The following MROH2B variants were observed in gnomAD, a reference collection of about 807,000 sequenced individuals.
The protein encoded by MROH2B is maestro heat like repeat family member 2B.
MROH2B carries 177 observed loss-of-function variants against 208.6 expected under a neutral mutation model. That is an observed-to-expected ratio of 0.85 (90% CI 0.75 to 0.96). The LOEUF is 0.96. MROH2B is among the 40% of genes least tolerant of loss of function. MROH2B has a pLI of 0.00. For missense variants in MROH2B, 2,002 were observed against 1,878.7 expected, an observed-to-expected ratio of 1.07 and a Z score of -1.21; for synonymous variants, 728 against 659.0, an observed-to-expected ratio of 1.10 and a Z score of -1.60.
Position 41,067,202 on chromosome 5 carries a change from T to C in MROH2B, c.107A>G (p.His36Arg). Residue 36 changes from histidine (H) to arginine (R), a missense_variant, in exon 3 of 42, where the codon CAT becomes CGT. Coordinates refer to ENST00000399564, the MANE Select transcript of MROH2B (RefSeq NM_173489.5). ...AGTATTCTGAATAACAGAAGTGAGA[T>C]GACTGTAAATGTCTTCCTGTGAATA... ...DIVNKEDIYS[H>R]LTSVIQNTDI... The C allele has an allele frequency of 6.5e-7, 1 of 1,548,602 alleles. No homozygotes were observed. Among genetic ancestry groups the C allele is most frequent in the Non-Finnish European group, 8.7e-7 (1 of 1,143,228 alleles).
chr5:41,068,876 C>T (rs1429772299), intron 2 of MROH2B, among the ~76,000 whole-genome samples: 1 of 152,148 alleles, frequency 6.6e-6, no homozygotes, highest in African/African-American at 2.4e-5. Flanking sequence ...CAATCAGAAT[C>T]CCTGGTAGTA....
rs200489389 is a variant in MROH2B at position 40,999,697 on chromosome 5, C to T, written c.4565G>A (p.Ser1522Asn). The change falls in exon 40 of 42, where the codon AGT (serine) becomes AAT (asparagine). Residue 1522 changes from serine (S) to asparagine (N), a missense_variant. By Grantham distance (46) the Ser-to-Asn change is conservative. Transcript: ENST00000399564. ...FFTSTWEVIR[S>N]AAVKLTDAVV... ...CTCACCTGTGAGTTTGACAGCTGCA[C>T]TCCTGATCACCTCCCAGGTGCTGGT... 39 of 1,613,158 alleles carry T rather than the reference C, an allele frequency of 2.4e-5. No homozygotes were observed. The Admixed American group carries it at 4.5e-4, about 19-fold the overall frequency.
chr5:41,046,923 C>A (rs1743139363), intron 17 of MROH2B, among the ~76,000 whole-genome samples: 1 of 152,040 alleles, frequency 6.6e-6, no homozygotes, highest in South Asian at 2.1e-4. Flanking sequence ...TGATGGAAAC[C>A]TTTAAAACAT....
At chr5:41,006,624 G>A (rs921300355) in intron 34 of MROH2B, among the ~76,000 whole-genome samples, 1 of 152,112 alleles carries the variant, frequency 6.6e-6, no homozygotes, top group Admixed American at 6.5e-5. Context: ...AGAAAATGTG[G>A]TATATATATA....
intron 19 of MROH2B, among the ~76,000 whole-genome samples, chr5:41,041,213 AG>A (rs1277379107): frequency 2.0e-5 from 3 of 152,364 alleles, no homozygotes; most frequent in African/African-American, 7.2e-5. Flanking sequence ...TGTGTGAGAA[AG>A]AACCCTAAAT....
intron 37 of MROH2B, 42 bp downstream of exon 37, chr5:41,004,304 A>T (rs7711722): frequency 0.43 from 682,055 of 1,586,206 alleles, 148,852 homozygotes; most frequent in African/African-American, 0.51. Flanking sequence ...GTTTCTGTTC[A>T]CTCACTTCTG....
At chr5:41,069,577 T>C (rs1035376760) in intron 2 of MROH2B, 114 bp downstream of exon 2, 5 of 757,586 alleles carry the variant, frequency 6.6e-6, no homozygotes, top group African/African-American at 3.6e-5. Context: ...AAAAATCTAA[T>C]GCCATGTAAC....
intron 28 of MROH2B, among the ~76,000 whole-genome samples, chr5:41,016,498 GTTTTT>G (rs10689623): frequency 5.0e-5 from 4 of 80,778 alleles, no homozygotes; most frequent in East Asian, 4.3e-4. Context: ...CTACTGTAAT[GTTTTT>G]TTTTTTTTTT....
chr5:41,019,031 C>T lies in MROH2B; in HGVS notation c.2442-13G>A, dbSNP rs759009092. On this transcript the variant is annotated splice_polypyrimidine_tract_variant and intron_variant, in intron 24 of 41. Transcript: ENST00000399564. ...AGGTTTCAGTTTACTGAAATGAGAA[C>T]CAGGTGGAGGAATGGATATTACAGT... The T allele has an allele frequency of 1.9e-6, 3 of 1,613,596 alleles. No homozygotes were observed. The highest frequency in any genetic ancestry group is 2.2e-5 in the East Asian group (1 of 44,876).
intron 40 of MROH2B, 24 bp downstream of exon 40, chr5:40,999,653 T>C: frequency 6.3e-7 from 1 of 1,584,436 alleles, no homozygotes; most frequent in Non-Finnish European, 8.6e-7. Flanking sequence ...CATATCTGGG[T>C]AGGAAATGGG....
In MROH2B at chr5:41,054,435, A is replaced by G. The variant is rs140021867; in HGVS notation, c.1107+332T>C. Among the ~76,000 whole-genome samples, 702 of 152,358 alleles carry G rather than the reference A, an allele frequency of 4.6e-3. 4 individuals are homozygous for G. The highest frequency in any genetic ancestry group is 0.015 in the African/African-American group (612 of 41,592). The stretch of plus-strand genomic sequence containing the variant: ...AGATACATTATCTTTATAATTAACA[A>G]GTAATTTTTAAACTATTTGAAGTGC... On this transcript the variant is annotated intron_variant, in intron 11 of 41. Coordinates refer to ENST00000399564, the MANE Select transcript of MROH2B (RefSeq NM_173489.5).
chr5:41,024,876 G>T (rs1031325644), intron 24 of MROH2B, among the ~76,000 whole-genome samples: 1 of 152,168 alleles, frequency 6.6e-6, no homozygotes, highest in African/African-American at 2.4e-5. Flanking sequence ...TCAGGATTAA[G>T]AAACTCACTC....
At chr5:41,035,979 C>A (rs1343349302) in intron 21 of MROH2B, among the ~76,000 whole-genome samples, 1 of 152,016 alleles carries the variant, frequency 6.6e-6, no homozygotes, top group Non-Finnish European at 1.5e-5. Flanking sequence ...CCAGTGATTC[C>A]ATTACTGGGA....
intron 11 of MROH2B, among the ~76,000 whole-genome samples, chr5:41,054,433 C>G (rs4957368): frequency 0.6 from 90,860 of 152,050 alleles, 27,816 homozygotes; most frequent in Non-Finnish European, 0.67. Flanking sequence ...TTATAATTAA[C>G]AAGTAATTTT....
At chr5:41,049,073 C>T (rs757035076) in intron 15 of MROH2B, 28 bp downstream of exon 15, 6 of 1,575,760 alleles carry the variant, frequency 3.8e-6, no homozygotes, top group South Asian at 1.2e-5. Flanking sequence ...TAAATTTGTT[C>T]TACTTTGGTT....
chr5:41,001,503 G>A (rs1741396014), intron 37 of MROH2B, among the ~76,000 whole-genome samples: 12 of 152,150 alleles, frequency 7.9e-5, no homozygotes, highest in Admixed American at 7.9e-4. Context: ...CTGAGGTCAA[G>A]AGTTTGAGAC....
intron 24 of MROH2B, among the ~76,000 whole-genome samples, chr5:41,020,573 T>TAG: frequency 6.6e-6 from 1 of 152,356 alleles, no homozygotes; most frequent in East Asian, 1.9e-4. Flanking sequence ...GTTCACTGAC[T>TAG]GATATGACAT....
At chr5:41,033,927 C>A in intron 21 of MROH2B, 63 bp from the exon 22 acceptor site, 1 of 1,543,024 alleles carries the variant, frequency 6.5e-7, no homozygotes, top group South Asian at 1.2e-5. Flanking sequence ...ATACCCAACC[C>A]AACAAAAGGA....
chr5:41,020,472 G>A (rs1742109388), intron 24 of MROH2B, among the ~76,000 whole-genome samples: 1 of 152,164 alleles, frequency 6.6e-6, no homozygotes, highest in Admixed American at 6.5e-5. Flanking sequence ...GAGAAATTAT[G>A]TGGGTGCTTC....
Sources: gnomAD v4.1 joint callset for allele counts (sites outside exome capture counted in the v4.1 genomes callset) on GRCh38, gnomAD v4.1.1 for gene constraint, MANE v1.5 for transcripts, NCBI Gene and HGNC (gene_info 2026-07-23, HGNC 2026-07-21) for gene names.